KCMF1: variants seen among roughly 807,000 people sequenced by gnomAD.
KCMF1 encodes E3 ubiquitin-protein ligase KCMF1.
KCMF1 carries 3 observed loss-of-function variants against 41.1 expected under a neutral mutation model. The observed-to-expected ratio is 0.07, with a 90% CI of 0.03 to 0.19. The LOEUF is 0.19. KCMF1 is among the 10% of genes least tolerant of loss of function. The probability of loss-of-function intolerance (pLI) is 1.00; values close to 1 mark genes in which losing one functional copy is unlikely to be tolerated. For synonymous variants in KCMF1, 142 were observed against 164.5 expected (o/e 0.86, Z 1.04); for missense variants, 286 against 488.9 (o/e 0.58, Z 3.91).
rs1367180745 is a variant in KCMF1, at chr2:85,056,527, G to A, written c.*3118G>A. ...TTATATATTTACTCCATGGATGTTG[G>A]GGTAAGCACATATATCAATAGTTCA... is the stretch of plus-strand genomic sequence containing the variant. On this transcript the variant is annotated 3_prime_UTR_variant, in exon 7 of 7. Coordinates refer to ENST00000409785, the MANE Select transcript of KCMF1 (RefSeq NM_020122.5). 1 of 152,116 alleles carries A rather than the reference G, an allele frequency of 6.6e-6. No homozygotes were observed. The highest frequency in any genetic ancestry group is 1.5e-5 in the Non-Finnish European group (1 of 68,032). 9.4% of individuals were successfully genotyped at this position (152,116 alleles called of 1,614,324 possible). A position where few individuals can be genotyped will look rare whatever the true frequency, so the allele number is the denominator to read the frequency against.
chr2:84,992,632 TG>T (rs1674069970), intron 1 of KCMF1, among the ~76,000 whole-genome samples: 1 of 151,926 alleles, frequency 6.6e-6, no homozygotes, highest in South Asian at 2.1e-4. Context: ...GGTTTTTTTT[TG>T]TTTTTTGTTT....
At position 85,053,481 on chromosome 2, in the gene KCMF1, G is replaced by C. The variant is rs1675855992; in HGVS notation, c.*72G>C. 1.4e-6 allele frequency: 2 copies of C among 1,449,586 alleles called. No individual in the cohort carries two copies. The highest frequency in any genetic ancestry group is 4.7e-5 in the Admixed American group (2 of 42,684). 89.8% of individuals were successfully genotyped at this position (1,449,586 alleles called of 1,614,324 possible). On this transcript the variant is annotated 3_prime_UTR_variant, in exon 7 of 7. Coordinates refer to ENST00000409785, the MANE Select transcript of KCMF1 (RefSeq NM_020122.5). The stretch of plus-strand genomic sequence containing the variant: ...TGAAAGTGGACAACAACTATCTTGG[G>C]TTTGTTTGGTGATTGTAATTTCAGG...
At chr2:85,019,290 TCTGTGTCATAAA>T (rs1338171275) in intron 1 of KCMF1, among the ~76,000 whole-genome samples, 2 of 152,146 alleles carry the variant, frequency 1.3e-5, no homozygotes, top group Non-Finnish European at 2.9e-5. Context: ...GTTTTGTTAG[TCTGTGTCATAAA>T]ATGACACAGA....
chr2:85,049,261 C>T, intron 5 of KCMF1, 105 bp from the exon 6 acceptor site: 1 of 1,162,438 alleles, frequency 8.6e-7, no homozygotes. Flanking sequence ...TGGTTACCTA[C>T]CTGTTCACAA....
intron 1 of KCMF1, among the ~76,000 whole-genome samples, chr2:85,025,747 T>C (rs1013491372): frequency 6.6e-5 from 10 of 152,096 alleles, no homozygotes; most frequent in African/African-American, 1.4e-4. Context: ...TAGCTGAGAT[T>C]ACAGGCACAC....
chr2:84,993,908 TTTTG>T (rs1674110661), intron 1 of KCMF1, among the ~76,000 whole-genome samples: 6 of 1,154 alleles, frequency 5.2e-3, no homozygotes, highest in Non-Finnish European at 0.014. Context: ...ACATTTTTTG[TTTTG>T]TTTTGTTTTG....
At chr2:85,041,852 T>G (rs558217048) in intron 3 of KCMF1, among the ~76,000 whole-genome samples, 3 of 151,170 alleles carry the variant, frequency 2.0e-5, no homozygotes, top group Admixed American at 1.3e-4. Flanking sequence ...TCTCAAAGAG[T>G]TTACAGTTTA....
chr2:85,018,680 T>C (rs1388544595), intron 1 of KCMF1, among the ~76,000 whole-genome samples: 4 of 152,176 alleles, frequency 2.6e-5, no homozygotes, highest in African/African-American at 9.7e-5. Flanking sequence ...TATTTTTTAA[T>C]GTAATGGATG....
At chr2:84,976,437 C>G (rs961327985) in intron 1 of KCMF1, among the ~76,000 whole-genome samples, 2 of 151,762 alleles carry the variant, frequency 1.3e-5, no homozygotes, top group East Asian at 3.9e-4. Context: ...AACTCCTGAC[C>G]GCAAGTGATC....
At chr2:84,987,308 A>G (rs1673925355) in intron 1 of KCMF1, among the ~76,000 whole-genome samples, 1 of 152,342 alleles carries the variant, frequency 6.6e-6, no homozygotes, top group Middle Eastern at 3.4e-3. Context: ...GCAGATTGTT[A>G]TGGTAGTATG....
chr2:85,007,734 A>G (rs548711774), intron 1 of KCMF1, among the ~76,000 whole-genome samples: 3 of 152,246 alleles, frequency 2.0e-5, no homozygotes, highest in Admixed American at 1.3e-4. Flanking sequence ...TTATGTATGT[A>G]TGTGTAATTA....
chr2:84,979,979 C>T (rs563905060), intron 1 of KCMF1, among the ~76,000 whole-genome samples: 10 of 151,918 alleles, frequency 6.6e-5, no homozygotes, highest in South Asian at 2.1e-4. Flanking sequence ...TGCGCCACCA[C>T]GCCCGGCTAA....
intron 1 of KCMF1, among the ~76,000 whole-genome samples, chr2:84,977,174 T>C (rs1276923505): frequency 6.6e-6 from 1 of 152,096 alleles, no homozygotes; most frequent in Non-Finnish European, 1.5e-5. Context: ...CCATTGCTCC[T>C]AGCCTTAATT....
At chr2:84,976,725 A>G (rs1422990465) in intron 1 of KCMF1, among the ~76,000 whole-genome samples, 1 of 151,966 alleles carries the variant, frequency 6.6e-6, no homozygotes, top group Non-Finnish European at 1.5e-5. Flanking sequence ...AGATTTTCAC[A>G]TGTAAAAATG....
intron 1 of KCMF1, among the ~76,000 whole-genome samples, chr2:84,975,635 T>C (rs1470579355): frequency 6.6e-6 from 1 of 152,210 alleles, no homozygotes; most frequent in Non-Finnish European, 1.5e-5. Context: ...GTTAACATTT[T>C]ATAGACTTTA....
At chr2:85,025,565 T>C (rs997791849) in intron 1 of KCMF1, among the ~76,000 whole-genome samples, 3 of 152,136 alleles carry the variant, frequency 2.0e-5, no homozygotes, top group African/African-American at 7.2e-5. Flanking sequence ...TGTTCTACTT[T>C]CCTTCTCTTT....
intron 1 of KCMF1, among the ~76,000 whole-genome samples, chr2:85,021,464 G>A (rs935302769): frequency 2.6e-5 from 4 of 151,984 alleles, no homozygotes; most frequent in Admixed American, 6.6e-5. Flanking sequence ...TCTACTAAAA[G>A]TACAAAAATT....
intron 1 of KCMF1, among the ~76,000 whole-genome samples, chr2:84,976,204 C>CT (rs776217164): frequency 0.016 from 2,179 of 133,664 alleles, 56 homozygotes; most frequent in African/African-American, 0.048. Flanking sequence ...TTCTTAACTC[C>CT]TTTTTTTTTT....
intron 1 of KCMF1, among the ~76,000 whole-genome samples, chr2:84,987,273 A>G (rs1393432223): frequency 6.6e-6 from 1 of 152,194 alleles, no homozygotes; most frequent in Admixed American, 6.5e-5. Context: ...AGAGAAAGGG[A>G]ACAATGAAAA....
Sources: allele counts gnomAD v4.1 joint callset (sites outside exome capture counted in the v4.1 genomes callset), GRCh38; gene constraint gnomAD v4.1.1; transcripts MANE v1.5; gene names NCBI Gene and HGNC (gene_info 2026-07-23, HGNC 2026-07-21).